Variants in PTGFRN observed in about 807,000 individuals in gnomAD.
The protein encoded by PTGFRN is prostaglandin F2 receptor negative regulator.
In PTGFRN, 35 loss-of-function variants were observed where a neutral mutation model predicts 83.2. The observed-to-expected ratio is 0.42, with a 90% CI of 0.32 to 0.56. The LOEUF (loss-of-function observed/expected upper bound fraction) is 0.56, where lower values mean the gene tolerates loss of function less well. Ranked by LOEUF, PTGFRN falls within the 20% of genes least tolerant of loss-of-function variation. The probability of loss-of-function intolerance (pLI) is 0.11; values close to 1 mark genes in which losing one functional copy is unlikely to be tolerated. For missense variants in PTGFRN, 1,051 were observed against 1,179.5 expected (o/e 0.89, Z 1.60); for synonymous variants, 519 against 498.6 (o/e 1.04, Z -0.55).
chr1:116,916,988 A>AG (rs1168321503), intron 1 of PTGFRN, among the ~76,000 whole-genome samples: 4 of 152,112 alleles, frequency 2.6e-5, no homozygotes, highest in South Asian at 4.1e-4. Flanking sequence ...GGAGAGTTCT[A>AG]GGAGTAGTCA....
At chr1:116,914,884 A>C (rs2101049339) in intron 1 of PTGFRN, among the ~76,000 whole-genome samples, 2 of 152,148 alleles carry the variant, frequency 1.3e-5, no homozygotes, top group South Asian at 4.2e-4. Flanking sequence ...AAGGCTCTGC[A>C]CCTAATAGGC....
chr1:116,964,038 C>T (rs1314661229), intron 5 of PTGFRN, among the ~76,000 whole-genome samples: 1 of 151,846 alleles, frequency 6.6e-6, no homozygotes, highest in Non-Finnish European at 1.5e-5. Flanking sequence ...CCTTAGTCGC[C>T]CGAAGTGCTA....
chr1:116,910,384 G>T (rs1649235830), intron 1 of PTGFRN, 132 bp downstream of exon 1: 2 of 813,670 alleles, frequency 2.5e-6, no homozygotes, highest in Admixed American at 1.0e-4. Flanking sequence ...CCCGGCCGGG[G>T]TGCGCGGGTT....
rs975261364 is a variant in PTGFRN, at chr1:116,989,833, C to G, written c.*2866C>G. 32 of 152,574 alleles carry G rather than the reference C, an allele frequency of 2.1e-4. No homozygotes were observed. The highest frequency in any genetic ancestry group is 5.2e-4 in the Admixed American group (8 of 15,274). 9.5% of individuals were successfully genotyped at this position (152,574 alleles called of 1,614,324 possible). A position where few individuals can be genotyped will look rare whatever the true frequency, so the allele number is the denominator to read the frequency against. On this transcript the variant is annotated 3_prime_UTR_variant, in exon 9 of 9. Coordinates refer to ENST00000393203, the MANE Select transcript of PTGFRN (RefSeq NM_020440.4). ...GTATTTATTTGAGTGTCTTTCCCCC[C>G]CTCACCCTCACCATCTGAGGGGCTC... is the stretch of plus-strand genomic sequence containing the variant.
chr1:116,987,187 C>T lies in PTGFRN; in HGVS notation c.*220C>T, dbSNP rs948359770. On this transcript the variant is annotated 3_prime_UTR_variant, in exon 9 of 9. Transcript: ENST00000393203. ...CCACGGCACTTTCTGATGTAACAAT[C>T]GAGTGTGTGTTTTCCCAACTGCAGC... The T allele has an allele frequency of 6.0e-5, 31 of 515,554 alleles. No homozygotes were observed. In the East Asian group the frequency reaches 9.9e-4, roughly 17 times the overall value. The allele number at this position is 515,554 out of a possible 1,614,324, so 31.9% of individuals were successfully genotyped here. A position where few individuals can be genotyped will look rare whatever the true frequency, so the allele number is the denominator to read the frequency against.
Position 116,941,740 on chromosome 1 carries a change from A to G in PTGFRN, c.75A>G (p.Arg25=). ...CTCTTTGCCGAGGGCGTGTGGTGAGAGTCCCCACAGCGACCCTGGTTCGAG... is the reference window on the plus strand; with the variant it reads ...CTCTTTGCCGAGGGCGTGTGGTGAGGGTCCCCACAGCGACCCTGGTTCGAG... ...SLALCRGRVV[R]VPTATLVRVV... Residue 25 remains arginine (R), a synonymous_variant, in exon 2 of 9, where the codon AGA becomes AGG. Transcript: ENST00000393203. This position sits in a 1 kb window ranked among gnomAD's most constrained non-coding sequence, Gnocchi z 5.0. The G allele has an allele frequency of 6.2e-7, 1 of 1,613,458 alleles. No homozygotes were observed. The highest frequency in any genetic ancestry group is 2.2e-5 in the East Asian group (1 of 44,874).
rs118149388 is a variant in PTGFRN at position 116,927,469 on chromosome 1, G to A, written c.50-14246G>A. ...AATGATCCAGTCTTGAAGAAGTACC[G>A]TGCATTTTTGTTCCTCACTTGTTGG... On this transcript the variant is annotated intron_variant, in intron 1 of 8. Transcript: ENST00000393203. Among the ~76,000 whole-genome samples, 11 of 150,582 alleles carry A rather than the reference G, an allele frequency of 7.3e-5. No individual in the cohort carries two copies. The East Asian group carries it at 1.7e-3, about 24-fold the overall frequency.
Position 116,961,725 on chromosome 1 carries a change from CTG to C in PTGFRN, c.1639+63_1639+64del. On this transcript the variant is annotated intron_variant, in intron 5 of 8. Coordinates refer to ENST00000393203, the MANE Select transcript of PTGFRN (RefSeq NM_020440.4). This position sits in a 1 kb window ranked among gnomAD's most constrained non-coding sequence, Gnocchi z 5.4. Reference sequence around the variant, plus strand: ...TTTTGTCTTTGCTTAAGTCGTGCCGCTGTGTGTTGATGCACAGTCACCCTCTG... The same window carrying C: ...TTTTGTCTTTGCTTAAGTCGTGCCGCTGTGTTGATGCACAGTCACCCTCTG... 6.7e-7 allele frequency: 1 copy of C among 1,502,378 alleles called. No homozygotes were observed. The highest frequency in any genetic ancestry group is 9.0e-7 in the Non-Finnish European group (1 of 1,109,908). The allele number at this position is 1,502,378 out of a possible 1,614,324, so 93.1% of individuals were successfully genotyped here. A position where few individuals can be genotyped will look rare whatever the true frequency, so the allele number is the denominator to read the frequency against.
At chr1:116,975,944 G>A (rs1238145074) in intron 7 of PTGFRN, among the ~76,000 whole-genome samples, 4 of 152,176 alleles carry the variant, frequency 2.6e-5, no homozygotes, top group African/African-American at 9.7e-5. Context: ...GAGGAAGTTC[G>A]AATCCATCGC....
chr1:116,912,683 G>A (rs1300561074), intron 1 of PTGFRN, among the ~76,000 whole-genome samples: 1 of 151,950 alleles, frequency 6.6e-6, no homozygotes, highest in Non-Finnish European at 1.5e-5. Flanking sequence ...GATCATTTTT[G>A]GGGCTCCCAC....
chr1:116,922,593 G>A (rs1415192320), intron 1 of PTGFRN, among the ~76,000 whole-genome samples: 1 of 152,178 alleles, frequency 6.6e-6, no homozygotes, highest in Non-Finnish European at 1.5e-5. Context: ...ATGCTGCCCA[G>A]TGGTACCCTC....
rs1274315259 is a variant in PTGFRN at position 116,941,440 on chromosome 1, T to C, written c.50-275T>C. Among the ~76,000 whole-genome samples the C allele has an allele frequency of 6.6e-6, 1 of 152,208 alleles. No homozygotes were observed. Among genetic ancestry groups the C allele is most frequent in the Non-Finnish European group, 1.5e-5 (1 of 68,032 alleles). On this transcript the variant is annotated intron_variant, in intron 1 of 8. Transcript: ENST00000393203. This position sits in a 1 kb window ranked among gnomAD's most constrained non-coding sequence, Gnocchi z 5.0. ...TAAATAGTAACTGGAGGGAAGAAGC[T>C]ATTGAGGTTTACAGTTAGCCTGCTT...
intron 5 of PTGFRN, among the ~76,000 whole-genome samples, chr1:116,964,488 C>T (rs1650769703): frequency 6.6e-6 from 1 of 152,160 alleles, no homozygotes; most frequent in African/African-American, 2.4e-5. Flanking sequence ...GACCCGGAAA[C>T]ATTAGACTAC....
chr1:116,934,556 T>C (rs2101059229), intron 1 of PTGFRN, among the ~76,000 whole-genome samples: 1 of 152,340 alleles, frequency 6.6e-6, no homozygotes, highest in South Asian at 2.1e-4. Context: ...TTTGATTGTT[T>C]CAATATATTT....
At chr1:116,980,648 T>C (rs941412556) in intron 7 of PTGFRN, among the ~76,000 whole-genome samples, 3 of 152,154 alleles carry the variant, frequency 2.0e-5, no homozygotes, top group Non-Finnish European at 2.9e-5. Context: ...AGGTGGGAAT[T>C]GAACAATGAG....
chr1:116,986,943 G>C lies in PTGFRN; in HGVS notation c.2616G>C (p.Arg872Ser), dbSNP rs538330167. 1.2e-6 allele frequency: 2 copies of C among 1,614,244 alleles called. No individual in the cohort carries two copies. Among genetic ancestry groups the C allele is most frequent in the South Asian group, 2.2e-5 (2 of 91,088 alleles). ...AGGAGACACGGCGCGAGCGCCGCAG[G>C]CTCATGTCGATGGAGATGGACTAGG... is the stretch of plus-strand genomic sequence containing the variant. ...EVQETRRERRRLMSMEMD is the reference protein window; with the variant it reads ...EVQETRRERRSLMSMEMD Residue 872 changes from arginine to serine, a missense_variant, in exon 9 of 9, where the codon AGG becomes AGC. Arg to Ser is a moderately radical substitution (Grantham distance 110). This residue lies in a region of PTGFRN where 719 missense variants were observed against 836.6 expected (regional missense o/e 0.86). Coordinates refer to ENST00000393203, the MANE Select transcript of PTGFRN (RefSeq NM_020440.4).
At chr1:116,970,718 C>G (rs191101739) in intron 6 of PTGFRN, among the ~76,000 whole-genome samples, 53 of 152,254 alleles carry the variant, frequency 3.5e-4, no homozygotes, top group African/African-American at 9.4e-4. Context: ...AATTCAGCAC[C>G]CAGAACAATA....
At chr1:116,922,047 A>T (rs1419163810) in intron 1 of PTGFRN, among the ~76,000 whole-genome samples, 1 of 152,146 alleles carries the variant, frequency 6.6e-6, no homozygotes. Context: ...GGACGTGGAT[A>T]TTAAACTCTG....
At chr1:116,983,408 A>T (rs1651374291) in intron 7 of PTGFRN, among the ~76,000 whole-genome samples, 1 of 146,786 alleles carries the variant, frequency 6.8e-6, no homozygotes, top group Non-Finnish European at 1.5e-5. Context: ...GCGGGTGTCC[A>T]CTCTGCCCTT....
Sources: gnomAD v4.1 joint callset for allele counts (sites outside exome capture counted in the v4.1 genomes callset) on GRCh38, gnomAD v4.1.1 for gene constraint, gnomAD v4.1.1 regional missense constraint, Gnocchi (gnomAD v3.1) non-coding constraint, MANE v1.5 for transcripts, NCBI Gene and HGNC (gene_info 2026-07-23, HGNC 2026-07-21) for gene names.